Variants in MAGI1 observed in about 807,000 individuals in gnomAD.
The protein encoded by MAGI1 is membrane-associated guanylate kinase, WW and PDZ domain-containing protein 1.
In MAGI1, 58 loss-of-function variants were observed where a neutral mutation model predicts 139.9. The observed-to-expected ratio is 0.41, with a 90% CI of 0.34 to 0.52. The LOEUF (loss-of-function observed/expected upper bound fraction) is 0.52, where lower values mean the gene tolerates loss of function less well. Among genes scored for constraint, MAGI1 ranks in the 20% least tolerant of loss-of-function variants. MAGI1 has a pLI of 0.12. For missense variants in MAGI1, 1,874 were observed against 1,901.6 expected (o/e 0.99, Z 0.27); for synonymous variants, 812 against 737.9 (o/e 1.10, Z -1.63).
intron 1 of MAGI1, among the ~76,000 whole-genome samples, chr3:65,970,681 G>A (rs549762071): frequency 1.2e-4 from 18 of 152,094 alleles, no homozygotes; most frequent in Non-Finnish European, 2.2e-4. Flanking sequence ...CACACCCTAA[G>A]TAAAGCTACC....
chr3:65,574,241 G>GTA (rs35530951), intron 2 of MAGI1, among the ~76,000 whole-genome samples: 212 of 148,656 alleles, frequency 1.4e-3, no homozygotes, highest in African/African-American at 3.9e-3. Flanking sequence ...ATATATATAT[G>GTA]TATATATATA....
intron 12 of MAGI1, among the ~76,000 whole-genome samples, chr3:65,415,900 G>A (rs1483847663): frequency 3.9e-5 from 6 of 152,170 alleles, no homozygotes; most frequent in Non-Finnish European, 7.3e-5. Flanking sequence ...CAAAGTCTAC[G>A]TGAAAGTTGA....
At chr3:65,866,146 TA>T (rs1216075486) in intron 1 of MAGI1, among the ~76,000 whole-genome samples, 1 of 151,386 alleles carries the variant, frequency 6.6e-6, no homozygotes, top group Non-Finnish European at 1.5e-5. Context: ...GTAAATTATA[TA>T]AAATATATAC....
chr3:65,961,393 C>G (rs780939314), intron 1 of MAGI1, among the ~76,000 whole-genome samples: 25 of 152,180 alleles, frequency 1.6e-4, no homozygotes, highest in Non-Finnish European at 2.9e-4. Flanking sequence ...ATTTTCAACT[C>G]CAGTTCCTTA....
intron 1 of MAGI1, among the ~76,000 whole-genome samples, chr3:65,818,043 AGTGTGTGT>A (rs57082137): frequency 6.7e-6 from 1 of 149,066 alleles, no homozygotes. Flanking sequence ...TAAAATTATG[AGTGTGTGT>A]GTGTGTGTGT....
chr3:65,647,024 A>T (rs942860987), intron 1 of MAGI1, among the ~76,000 whole-genome samples: 3 of 152,160 alleles, frequency 2.0e-5, no homozygotes, highest in African/African-American at 4.8e-5. Flanking sequence ...GGAAATAATA[A>T]GGAAAAGAGA....
chr3:65,984,549 T>TGTGTGTGA (rs1365094861), intron 1 of MAGI1, among the ~76,000 whole-genome samples: 125 of 143,462 alleles, frequency 8.7e-4, no homozygotes, highest in African/African-American at 2.2e-3. Flanking sequence ...TGTGTGTGTG[T>TGTGTGTGA]GACAGGGTCT....
At chr3:65,715,148 C>A (rs2032069846) in intron 1 of MAGI1, among the ~76,000 whole-genome samples, 1 of 152,134 alleles carries the variant, frequency 6.6e-6, no homozygotes, top group Non-Finnish European at 1.5e-5. Context: ...AGAAAAACGA[C>A]CTCAGACATT....
At chr3:65,495,819 C>A in intron 2 of MAGI1, among the ~76,000 whole-genome samples, 1 of 151,476 alleles carries the variant, frequency 6.6e-6, no homozygotes, top group Admixed American at 6.6e-5. Context: ...TGCATCCAGG[C>A]AGAGGGAAGG....
chr3:65,532,498 A>G (rs1187344701), intron 2 of MAGI1, among the ~76,000 whole-genome samples: 2 of 152,218 alleles, frequency 1.3e-5, no homozygotes, highest in African/African-American at 4.8e-5. Flanking sequence ...ACATTCTATC[A>G]ATGGGATCTA....
At chr3:66,021,612 T>G (rs1454464720) in intron 1 of MAGI1, among the ~76,000 whole-genome samples, 2 of 152,164 alleles carry the variant, frequency 1.3e-5, no homozygotes, top group Non-Finnish European at 2.9e-5. Flanking sequence ...CTTGCCACAT[T>G]CAGCCAGAGC....
At chr3:65,462,908 G>T (rs1949914252) in intron 5 of MAGI1, among the ~76,000 whole-genome samples, 1 of 152,064 alleles carries the variant, frequency 6.6e-6, no homozygotes, top group Admixed American at 6.6e-5. Context: ...CTCATGATTT[G>T]GCTCTCTGTT....
intron 2 of MAGI1, among the ~76,000 whole-genome samples, chr3:65,563,316 A>C (rs1000851474): frequency 5.3e-5 from 8 of 152,198 alleles, no homozygotes; most frequent in Non-Finnish European, 1.0e-4. Flanking sequence ...TGGGAACATC[A>C]GTATGCAACT....
chr3:65,869,494 A>G (rs564005333), intron 1 of MAGI1, among the ~76,000 whole-genome samples: 141 of 150,614 alleles, frequency 9.4e-4, no homozygotes, highest in Non-Finnish European at 1.7e-3. Flanking sequence ...TCCACCCCCC[A>G]GGTTCACACC....
chr3:65,889,685 G>T (rs1412938550), intron 1 of MAGI1, among the ~76,000 whole-genome samples: 2 of 152,132 alleles, frequency 1.3e-5, no homozygotes, highest in Non-Finnish European at 2.9e-5. Flanking sequence ...AACAGTGAAA[G>T]AATCTGTACT....
intron 2 of MAGI1, among the ~76,000 whole-genome samples, chr3:65,570,938 T>C (rs2108068657): frequency 6.6e-6 from 1 of 152,310 alleles, no homozygotes; most frequent in South Asian, 2.1e-4. Flanking sequence ...AATTACCGAA[T>C]AACACTCAAT....
chr3:65,661,646 T>C (rs1199414477), intron 1 of MAGI1, among the ~76,000 whole-genome samples: 2 of 152,154 alleles, frequency 1.3e-5, no homozygotes, highest in African/African-American at 4.8e-5. Flanking sequence ...ATGGGAAGCA[T>C]ATGAAATTCA....
chr3:65,360,993 G>A (rs2199818), intron 22 of MAGI1: 12 of 1,453,832 alleles, frequency 8.3e-6, no homozygotes, highest in South Asian at 1.5e-5. Flanking sequence ...TCTTGTCTTA[G>A]GCCATGCCCC....
chr3:65,686,428 A>G (rs1038930193), intron 1 of MAGI1, among the ~76,000 whole-genome samples: 13 of 152,244 alleles, frequency 8.5e-5, no homozygotes, highest in African/African-American at 2.9e-4. Flanking sequence ...AGTAGCTGAG[A>G]CTGCAGGCGC....
Sources: allele counts gnomAD v4.1 joint callset (sites outside exome capture counted in the v4.1 genomes callset), GRCh38; gene constraint gnomAD v4.1.1; transcripts MANE v1.5; gene names NCBI Gene and HGNC (gene_info 2026-07-23, HGNC 2026-07-21).